Variants in MYO16 observed in about 807,000 individuals in gnomAD.
MYO16 encodes unconventional myosin-XVI.
MYO16 carries 94 observed loss-of-function variants against 205.3 expected under a neutral mutation model. That is an observed-to-expected ratio of 0.46 (90% CI 0.39 to 0.54). The LOEUF is 0.54. Among genes scored for constraint, MYO16 ranks in the 20% least tolerant of loss-of-function variants. MYO16 has a pLI of 0.00. For synonymous variants in MYO16, 988 were observed against 954.0 expected (o/e 1.04, Z -0.66); for missense variants, 2,315 against 2,387.5 (o/e 0.97, Z 0.63).
intron 6 of MYO16, among the ~76,000 whole-genome samples, chr13:108,794,178 G>A (rs1886709886): frequency 6.7e-6 from 1 of 150,074 alleles, no homozygotes; most frequent in Non-Finnish European, 1.5e-5. Flanking sequence ...CCACTTAAGG[G>A]TGGAGGGTGG....
chr13:108,865,545 G>A (rs904253963), intron 11 of MYO16, among the ~76,000 whole-genome samples: 12 of 151,218 alleles, frequency 7.9e-5, no homozygotes, highest in African/African-American at 2.9e-4. Flanking sequence ...ATATGTTTAG[G>A]ATGTTTCTCT....
chr13:108,601,571 G>A (rs1878765018), intron 1 of MYO16, among the ~76,000 whole-genome samples: 1 of 151,932 alleles, frequency 6.6e-6, no homozygotes, highest in Non-Finnish European at 1.5e-5. Context: ...GTGTCAAGAT[G>A]ATTCTAAATT....
At chr13:108,530,704 T>C in the MYO16 span, among the ~76,000 whole-genome samples, 1 of 152,206 alleles carries the variant, frequency 6.6e-6, no homozygotes, top group Non-Finnish European at 1.5e-5. Context: ...GTTCAAAATA[T>C]AACAAAATGT....
intron 23 of MYO16, among the ~76,000 whole-genome samples, chr13:109,031,178 GC>G (rs1886537620): frequency 6.6e-6 from 1 of 152,032 alleles, no homozygotes; most frequent in South Asian, 2.1e-4. Context: ...TGAAACCTCT[GC>G]CTCCCAGATT....
intron 27 of MYO16, among the ~76,000 whole-genome samples, chr13:109,095,232 G>A (rs1028236243): frequency 6.6e-6 from 1 of 152,236 alleles, no homozygotes; most frequent in African/African-American, 2.4e-5. Context: ...CTAAATATAG[G>A]TGTCTTCAGT....
intron 10 of MYO16, among the ~76,000 whole-genome samples, chr13:108,846,766 C>T (rs914339507): frequency 6.6e-6 from 1 of 152,070 alleles, no homozygotes; most frequent in South Asian, 2.1e-4. Context: ...TTTGTTTTTA[C>T]TGGCATTGTT....
intron 14 of MYO16, among the ~76,000 whole-genome samples, chr13:108,895,739 A>C (rs1880381996): frequency 6.6e-6 from 1 of 152,230 alleles, no homozygotes; most frequent in South Asian, 2.1e-4. Flanking sequence ...TGTAAAATAT[A>C]CACTGGTTCC....
At chr13:108,781,507 A>G (rs931569571) in intron 4 of MYO16, among the ~76,000 whole-genome samples, 5 of 152,162 alleles carry the variant, frequency 3.3e-5, no homozygotes, top group African/African-American at 1.2e-4. Context: ...GCACAGCTGC[A>G]CGGCCGGTTC....
chr13:108,773,752 T>C (rs1886041208), intron 4 of MYO16, among the ~76,000 whole-genome samples: 1 of 152,198 alleles, frequency 6.6e-6, no homozygotes, highest in Admixed American at 6.5e-5. Flanking sequence ...AGGGGTTCTT[T>C]GCATTACTCT....
chr13:109,004,379 A>G (rs1885319224), intron 21 of MYO16, among the ~76,000 whole-genome samples: 1 of 152,210 alleles, frequency 6.6e-6, no homozygotes, highest in Non-Finnish European at 1.5e-5. Context: ...ATTGTATAGC[A>G]TTTATTATTC....
intron 32 of MYO16, among the ~76,000 whole-genome samples, chr13:109,160,077 T>C (rs1878302225): frequency 6.6e-6 from 1 of 152,232 alleles, no homozygotes. Flanking sequence ...CTGTGTGTTA[T>C]AGGATGTTTT....
intron 33 of MYO16, among the ~76,000 whole-genome samples, chr13:109,178,296 C>A (rs1046687924): frequency 1.3e-5 from 2 of 152,100 alleles, no homozygotes; most frequent in African/African-American, 2.4e-5. Context: ...AGACCCCCCC[C>A]ACCCACTAGC....
chr13:108,752,969 T>C (rs1474166648), intron 4 of MYO16, among the ~76,000 whole-genome samples: 2 of 151,902 alleles, frequency 1.3e-5, no homozygotes, highest in African/African-American at 2.4e-5. Context: ...TAAGTTTTTG[T>C]ATATCAGAAA....
intron 15 of MYO16, among the ~76,000 whole-genome samples, chr13:108,899,423 C>CA (rs776957070): frequency 0.061 from 8,184 of 134,004 alleles, 605 homozygotes; most frequent in African/African-American, 0.19. Context: ...AACTCCATCT[C>CA]AAAAAAAAAA....
chr13:108,521,931 C>G, the MYO16 span, among the ~76,000 whole-genome samples: 1 of 152,152 alleles, frequency 6.6e-6, no homozygotes, highest in Non-Finnish European at 1.5e-5. Context: ...TTGAATTTAT[C>G]TAAACATTGG....
At chr13:108,762,943 A>G (rs1040240035) in intron 4 of MYO16, among the ~76,000 whole-genome samples, 2 of 121,874 alleles carry the variant, frequency 1.6e-5, no homozygotes, top group African/African-American at 5.5e-5. Flanking sequence ...CAACTTCTGG[A>G]TTAACATAAA....
chr13:108,725,215 A>G (rs1222207143), intron 3 of MYO16, among the ~76,000 whole-genome samples: 2 of 152,230 alleles, frequency 1.3e-5, no homozygotes, highest in Non-Finnish European at 2.9e-5. Flanking sequence ...GAATATAGTT[A>G]TAAATACGGT....
At chr13:108,803,466 T>G (rs1323222489) in intron 6 of MYO16, among the ~76,000 whole-genome samples, 2 of 152,224 alleles carry the variant, frequency 1.3e-5, no homozygotes, top group South Asian at 4.1e-4. Flanking sequence ...TGTCAAAGAC[T>G]GAGATGCTAT....
chr13:108,610,522 T>C (rs1164249098), intron 1 of MYO16, among the ~76,000 whole-genome samples: 2 of 152,168 alleles, frequency 1.3e-5, no homozygotes, highest in Non-Finnish European at 2.9e-5. Flanking sequence ...CCTGCCCTTG[T>C]TTATGAAGAA....
Sources: gnomAD v4.1 joint callset for allele counts (sites outside exome capture counted in the v4.1 genomes callset) on GRCh38, gnomAD v4.1.1 for gene constraint, MANE v1.5 for transcripts, NCBI Gene and HGNC (gene_info 2026-07-23, HGNC 2026-07-21) for gene names.